Variants in METTL15 observed in about 807,000 individuals in gnomAD.
METTL15 encodes the protein methyltransferase 15, mitochondrial 12S rRNA N4-cytidine.
METTL15 carries 34 observed loss-of-function variants against 38.3 expected under a neutral mutation model. The observed-to-expected ratio is 0.89, with a 90% CI of 0.68 to 1.18. METTL15 has a LOEUF of 1.18. METTL15 is among the 50% of genes most tolerant of loss of function. The probability of loss-of-function intolerance (pLI) is 0.00; values close to 1 mark genes in which losing one functional copy is unlikely to be tolerated. For synonymous variants in METTL15, 162 were observed against 170.9 expected (o/e 0.95, Z 0.41); for missense variants, 438 against 498.4 (o/e 0.88, Z 1.15).
chr11:28,390,484 G>T (rs1850491930), intron 5 of METTL15, among the ~76,000 whole-genome samples: 1 of 152,094 alleles, frequency 6.6e-6, no homozygotes, highest in Non-Finnish European at 1.5e-5. Flanking sequence ...ATTAAATAGG[G>T]AATCCTTTCC....
At chr11:28,265,905 G>A (rs535884778) in intron 4 of METTL15, among the ~76,000 whole-genome samples, 29 of 152,272 alleles carry the variant, frequency 1.9e-4, no homozygotes, top group African/African-American at 6.7e-4. Context: ...TTGGTGTGCT[G>A]CACCCATCAA....
chr11:28,363,167 C>CT (rs112458012), intron 5 of METTL15, among the ~76,000 whole-genome samples: 1 of 151,532 alleles, frequency 6.6e-6, no homozygotes, highest in Non-Finnish European at 1.5e-5. Context: ...ATGTCTTCTT[C>CT]TTTTTTTTAT....
intron 3 of METTL15, among the ~76,000 whole-genome samples, chr11:28,147,386 A>C (rs183452817): frequency 5.9e-5 from 9 of 151,992 alleles, no homozygotes; most frequent in African/African-American, 2.2e-4. Context: ...AGTGGATTAC[A>C]TATCTTTCAG....
chr11:28,496,725 A>T (rs2133485889), intron 6 of METTL15, among the ~76,000 whole-genome samples: 1 of 152,318 alleles, frequency 6.6e-6, no homozygotes, highest in South Asian at 2.1e-4. Context: ...GTAAATAACA[A>T]TGTAAGTATG....
chr11:28,381,426 TA>T (rs746294643), intron 5 of METTL15, among the ~76,000 whole-genome samples: 2 of 152,312 alleles, frequency 1.3e-5, no homozygotes, highest in African/African-American at 2.4e-5. Context: ...TCTTTCTAAT[TA>T]TTTTTTTGAA....
intron 5 of METTL15, among the ~76,000 whole-genome samples, chr11:28,378,784 AT>A (rs1196055105): frequency 4.7e-5 from 5 of 106,360 alleles, no homozygotes; most frequent in East Asian, 2.8e-4. Flanking sequence ...TTTTTTGAAG[AT>A]TTTGAATAGA....
intron 5 of METTL15, among the ~76,000 whole-genome samples, chr11:28,420,059 T>G (rs1193353587): frequency 1.3e-5 from 2 of 152,032 alleles, no homozygotes; most frequent in Non-Finnish European, 2.9e-5. Flanking sequence ...ATCTAAGAGT[T>G]ATTGGCCTTA....
At chr11:28,157,235 C>T (rs572630407) in intron 3 of METTL15, among the ~76,000 whole-genome samples, 1 of 152,308 alleles carries the variant, frequency 6.6e-6, no homozygotes, top group African/African-American at 2.4e-5. Context: ...GCAACACATT[C>T]CTCATTTGGG....
intron 5 of METTL15, among the ~76,000 whole-genome samples, chr11:28,293,243 G>A (rs1206750267): frequency 3.9e-5 from 6 of 152,166 alleles, no homozygotes; most frequent in African/African-American, 7.2e-5. Context: ...TAAGATGTAA[G>A]GAAGGGATCC....
At chr11:28,215,952 C>A (rs1852846190) in intron 4 of METTL15, among the ~76,000 whole-genome samples, 1 of 152,000 alleles carries the variant, frequency 6.6e-6, no homozygotes, top group Admixed American at 6.6e-5. Flanking sequence ...TTGCAGTGAG[C>A]TGTAGTCATG....
chr11:28,397,293 A>G (rs1850581385), intron 5 of METTL15, among the ~76,000 whole-genome samples: 1 of 151,976 alleles, frequency 6.6e-6, no homozygotes, highest in Non-Finnish European at 1.5e-5. Flanking sequence ...CTACCATCAG[A>G]GTGAACAGGC....
chr11:28,117,259 GTATATA>G (rs60938215), intron 3 of METTL15, among the ~76,000 whole-genome samples: 15,421 of 106,882 alleles, frequency 0.14, 1,099 homozygotes, highest in Non-Finnish European at 0.17. Flanking sequence ...GTGTGTGTGT[GTATATA>G]TATATATATA....
At chr11:28,252,558 A>G (rs902035728) in intron 4 of METTL15, among the ~76,000 whole-genome samples, 1 of 152,134 alleles carries the variant, frequency 6.6e-6, no homozygotes, top group African/African-American at 2.4e-5. Context: ...GTAATGAAGT[A>G]TCTCTTTTTT....
At chr11:28,237,283 T>G (rs1256477246) in intron 4 of METTL15, among the ~76,000 whole-genome samples, 6 of 152,236 alleles carry the variant, frequency 3.9e-5, no homozygotes, top group Non-Finnish European at 8.8e-5. Flanking sequence ...CCATATTTCT[T>G]GGAGGCTTTG....
intron 6 of METTL15, among the ~76,000 whole-genome samples, chr11:28,493,863 A>G (rs958422917): frequency 6.6e-6 from 1 of 152,192 alleles, no homozygotes; most frequent in East Asian, 1.9e-4. Flanking sequence ...TATGGCAATA[A>G]ATTTTCTTAA....
At chr11:28,274,527 G>C (rs923442493) in intron 4 of METTL15, among the ~76,000 whole-genome samples, 1 of 151,816 alleles carries the variant, frequency 6.6e-6, no homozygotes, top group African/African-American at 2.4e-5. Context: ...AATTTGACTT[G>C]CCAACAAGTA....
chr11:28,219,266 C>A (rs1163914789), intron 4 of METTL15, among the ~76,000 whole-genome samples: 1 of 152,108 alleles, frequency 6.6e-6, no homozygotes, highest in Non-Finnish European at 1.5e-5. Flanking sequence ...AGAGATTCAA[C>A]TTCTTCCTGG....
chr11:28,344,603 T>G (rs935786611), intron 3 of METTL15, among the ~76,000 whole-genome samples: 1 of 152,190 alleles, frequency 6.6e-6, no homozygotes, highest in Admixed American at 6.5e-5. Flanking sequence ...CCTTTGAACC[T>G]CATCTGGTTC....
intron 4 of METTL15, among the ~76,000 whole-genome samples, chr11:28,273,634 T>C (rs1285396992): frequency 6.6e-6 from 1 of 152,048 alleles, no homozygotes; most frequent in South Asian, 2.1e-4. Context: ...TTAATAATAA[T>C]TGAATTATAA....
Sources: allele counts gnomAD v4.1 joint callset (sites outside exome capture counted in the v4.1 genomes callset), GRCh38; gene constraint gnomAD v4.1.1; transcripts MANE v1.5; gene names NCBI Gene and HGNC (gene_info 2026-07-23, HGNC 2026-07-21).